The following SETD2 variants were observed in gnomAD, a reference collection of about 807,000 sequenced individuals.
The protein encoded by SETD2 is histone-lysine N-methyltransferase SETD2.
In SETD2, 31 loss-of-function variants were observed where a neutral mutation model predicts 242.1. The ratio of observed to expected loss-of-function variants is 0.13; its 90% CI spans 0.10 to 0.17. The LOEUF is 0.17. Among genes scored for constraint, SETD2 ranks in the 10% least tolerant of loss-of-function variants. SETD2 has a pLI of 1.00. For synonymous variants in SETD2, 1,006 were observed against 1,066.5 expected, an observed-to-expected ratio of 0.94 and a Z score of 1.11; for missense variants, 2,481 against 3,046.3, an observed-to-expected ratio of 0.81 and a Z score of 4.37.
At position 47,031,137 on chromosome 3, in the gene SETD2, T is replaced by A. The variant is rs541244920; in HGVS notation, c.7350+6529A>T. On this transcript the variant is annotated intron_variant, in intron 18 of 20. Transcript: ENST00000409792. ...GAGTAAGCAGCAGCTCAAATGATTT[T>A]TAGGGCAGTGAAACTATTCTGTACG... Among the ~76,000 whole-genome samples, 4 of 152,294 alleles carry A rather than the reference T, an allele frequency of 2.6e-5. No homozygotes were observed. In the East Asian group the frequency reaches 7.7e-4, roughly 29 times the overall value.
At chr3:47,084,877 T>A (rs2041485514) in intron 11 of SETD2, among the ~76,000 whole-genome samples, 1 of 151,194 alleles carries the variant, frequency 6.6e-6, no homozygotes, top group Admixed American at 6.6e-5. Context: ...ATTACAGGGA[T>A]GCACCACCAT....
intron 1 of SETD2, chr3:47,138,268 G>T: frequency 3.5e-6 from 1 of 285,258 alleles, no homozygotes; most frequent in Non-Finnish European, 7.2e-6. Context: ...CACCGCGCCC[G>T]GCCCACTTTC....
chr3:47,047,406 T>G (rs956671783), intron 15 of SETD2, among the ~76,000 whole-genome samples: 1 of 152,188 alleles, frequency 6.6e-6, no homozygotes, highest in African/African-American at 2.4e-5. Flanking sequence ...ATAAGAAGAC[T>G]GAAAAATAGC....
chr3:47,059,615 T>C (rs1192516066), intron 14 of SETD2, among the ~76,000 whole-genome samples: 1 of 151,454 alleles, frequency 6.6e-6, no homozygotes, highest in African/African-American at 2.4e-5. Flanking sequence ...AGATGGGGTT[T>C]CACCATATTG....
rs2106671956 is a variant in SETD2 at position 47,122,202 on chromosome 3, T to C, written c.2434A>G (p.Ile812Val). The C allele has an allele frequency of 6.2e-7, 1 of 1,614,088 alleles. No individual in the cohort carries two copies. Among genetic ancestry groups the C allele is most frequent in the Non-Finnish European group, 8.5e-7 (1 of 1,179,960 alleles). The change falls in exon 3 of 21, where the codon ATT (isoleucine) becomes GTT (valine). Residue 812 changes from isoleucine (I) to valine (V), a missense_variant. By Grantham distance (29) the Ile-to-Val change is conservative (BLOSUM62 3). Transcript: ENST00000409792. ...GAAATCTTCATAACTGAAGGCTCAA[T>C]ATTTTCAGCTTCAGAGTTACACAAA... Reference protein sequence around the residue: ...PSLCNSEAENIEPSVMKISSN... With the variant: ...PSLCNSEAENVEPSVMKISSN...
At chr3:47,023,168 A>C (rs926118285) in intron 18 of SETD2, among the ~76,000 whole-genome samples, 2 of 152,188 alleles carry the variant, frequency 1.3e-5, no homozygotes, top group Middle Eastern at 3.2e-3. Context: ...TGGGAGGCTG[A>C]GGCGGGTGGA....
At chr3:47,064,652 T>C (rs1027247268) in intron 13 of SETD2, 6 of 412,826 alleles carry the variant, frequency 1.5e-5, no homozygotes, top group Non-Finnish European at 3.0e-5. Flanking sequence ...AAAATGAGGG[T>C]AAAGTTAGAC....
Position 47,017,711 on chromosome 3 carries a change from T to C in SETD2, c.7460A>G (p.Asn2487Ser), listed in dbSNP as rs2107488266. The C allele has an allele frequency of 6.2e-7, 1 of 1,613,848 alleles. No homozygotes were observed. The highest frequency in any genetic ancestry group is 8.5e-7 in the Non-Finnish European group (1 of 1,179,830). ...TTTGCAGTCAGGTTTCCGGTAAGGG[T>C]TCAGGCACTGGACGATGAACTGGGA... The part of the protein sequence containing the change: ...EMSQFIVQCL[N>S]PYRKPDCKVG... Residue 2487 changes from asparagine (N) to serine (S), a missense_variant, in exon 20 of 21, where the codon AAC becomes AGC. Asn to Ser is a conservative substitution (Grantham distance 46). Around this residue, in one of 17 missense-constraint regions of SETD2, gnomAD observed 40 missense variants for 89.5 expected, o/e 0.45. Coordinates refer to ENST00000409792, the MANE Select transcript of SETD2 (RefSeq NM_014159.7). The surrounding 1 kb of genome is among the most constrained non-coding windows in gnomAD (Gnocchi z 4.8).
At chr3:47,022,092 G>A (rs942110146) in intron 18 of SETD2, among the ~76,000 whole-genome samples, 1 of 149,496 alleles carries the variant, frequency 6.7e-6, no homozygotes, top group Non-Finnish European at 1.5e-5. Flanking sequence ...CTACTTGGGA[G>A]GCTGAGGCAG....
rs1379805462 is a variant in SETD2 at position 47,042,416 on chromosome 3, A to C, written c.7238+145T>G. 4 of 716,594 alleles carry C rather than the reference A, an allele frequency of 5.6e-6. No homozygotes were observed. In the East Asian group the frequency reaches 1.1e-4, roughly 19 times the overall value. The allele number at this position is 716,594 out of a possible 1,614,324, so 44.4% of individuals were successfully genotyped here. On this transcript the variant is annotated intron_variant, in intron 17 of 20. Coordinates refer to ENST00000409792, the MANE Select transcript of SETD2 (RefSeq NM_014159.7). ...AAGTCTAACGTCTAAAATACACTTA[A>C]GATGTGATTCTGGAAATCCAGCAGC...
chr3:47,019,768 T>G lies in SETD2; in HGVS notation c.7423A>C (p.Arg2475=). 1 of 1,613,832 alleles carries G rather than the reference T, an allele frequency of 6.2e-7. No individual in the cohort carries two copies. Among genetic ancestry groups the G allele is most frequent in the Non-Finnish European group, 8.5e-7 (1 of 1,179,690 alleles). Residue 2475 remains arginine (R), a synonymous_variant, in exon 19 of 21, where the codon AGA becomes CGA. Coordinates refer to ENST00000409792, the MANE Select transcript of SETD2 (RefSeq NM_014159.7). ...TATCCACCAAACCTTACCTCTTTTC[T>G]GAATACTTCTTTGCTTTTCTTTGCT... is the stretch of plus-strand genomic sequence containing the variant. ...ELAKKSKEVF[R]KEMSQFIVQC... is the part of the protein sequence containing the mutation.
chr3:47,135,322 C>T (rs2043567323), intron 1 of SETD2, among the ~76,000 whole-genome samples: 1 of 152,166 alleles, frequency 6.6e-6, no homozygotes, highest in Non-Finnish European at 1.5e-5. Context: ...GTCACCCAGG[C>T]TGGAGGCAGT....
chr3:47,019,236 C>T (rs890629536), intron 19 of SETD2, among the ~76,000 whole-genome samples: 2 of 152,192 alleles, frequency 1.3e-5, no homozygotes, highest in African/African-American at 2.4e-5. Context: ...TGAGCCAGAA[C>T]GCCTGAGTTC....
At chr3:47,110,816 CTG>C (rs2042618618) in intron 5 of SETD2, among the ~76,000 whole-genome samples, 1 of 152,038 alleles carries the variant, frequency 6.6e-6, no homozygotes, top group African/African-American at 2.4e-5. Flanking sequence ...CTGTGAATAG[CTG>C]AAGAAAACGG....
chr3:47,108,663 T>G (rs1161736680), intron 5 of SETD2, among the ~76,000 whole-genome samples: 3 of 152,106 alleles, frequency 2.0e-5, no homozygotes, highest in Non-Finnish European at 4.4e-5. Context: ...CATCAGGAAG[T>G]TGGAAGGATA....
intron 18 of SETD2, among the ~76,000 whole-genome samples, chr3:47,024,407 G>A (rs1285234476): frequency 6.6e-6 from 1 of 152,240 alleles, no homozygotes; most frequent in Non-Finnish European, 1.5e-5. Flanking sequence ...GGGAGGCAGA[G>A]GGTGCAGTGA....
At chr3:47,019,635 C>T in intron 19 of SETD2, 125 bp downstream of exon 19, 1 of 791,546 alleles carries the variant, frequency 1.3e-6, no homozygotes, top group Non-Finnish European at 2.1e-6. Context: ...GACATACACA[C>T]AAGGAACACC....
intron 6 of SETD2, 37 bp from the exon 7 acceptor site, chr3:47,103,460 T>C (rs1311328170): frequency 1.5e-6 from 2 of 1,345,560 alleles, no homozygotes; most frequent in Non-Finnish European, 2.1e-6. Flanking sequence ...TAAAAAATAA[T>C]ACCTTAAATA....
intron 12 of SETD2, among the ~76,000 whole-genome samples, chr3:47,079,370 T>C (rs1166975335): frequency 6.6e-6 from 1 of 152,112 alleles, no homozygotes; most frequent in Non-Finnish European, 1.5e-5. Context: ...CTATAATGTA[T>C]ACACCCTCCC....
Sources: gnomAD v4.1 joint callset for allele counts (sites outside exome capture counted in the v4.1 genomes callset) on GRCh38, gnomAD v4.1.1 for gene constraint, gnomAD v4.1.1 regional missense constraint, Gnocchi (gnomAD v3.1) non-coding constraint, MANE v1.5 for transcripts, NCBI Gene and HGNC (gene_info 2026-07-23, HGNC 2026-07-21) for gene names.